UNC5C: variants seen among roughly 807,000 people sequenced by gnomAD.
The protein encoded by UNC5C is netrin receptor UNC5C.
UNC5C carries 47 observed loss-of-function variants against 99.8 expected under a neutral mutation model. That is an observed-to-expected ratio of 0.47 (90% CI 0.37 to 0.60). The LOEUF (loss-of-function observed/expected upper bound fraction) is 0.60, where lower values mean the gene tolerates loss of function less well. Ranked by LOEUF, UNC5C falls within the 20% of genes least tolerant of loss-of-function variation. The probability of loss-of-function intolerance (pLI) is 0.00; values close to 1 mark genes in which losing one functional copy is unlikely to be tolerated. For synonymous variants in UNC5C, 487 were observed against 452.2 expected, an observed-to-expected ratio of 1.08 and a Z score of -0.98; for missense variants, 1,062 against 1,165.9, an observed-to-expected ratio of 0.91 and a Z score of 1.30.
At chr4:95,257,179 C>G (rs1231226543) in intron 4 of UNC5C, among the ~76,000 whole-genome samples, 1 of 152,180 alleles carries the variant, frequency 6.6e-6, no homozygotes, top group East Asian at 1.9e-4. Flanking sequence ...TTCTCTTACT[C>G]AGTGTCAGCG....
At chr4:95,379,335 T>C (rs1159195076) in intron 1 of UNC5C, among the ~76,000 whole-genome samples, 1 of 152,228 alleles carries the variant, frequency 6.6e-6, no homozygotes, top group African/African-American at 2.4e-5. Flanking sequence ...TTTGCTAAAA[T>C]AGGTTTATGC....
intron 2 of UNC5C, among the ~76,000 whole-genome samples, chr4:95,318,020 T>C (rs1244613904): frequency 6.6e-6 from 1 of 152,162 alleles, no homozygotes; most frequent in East Asian, 1.9e-4. Context: ...AAAAGGTCTT[T>C]GCAGAAGTCA....
intron 1 of UNC5C, among the ~76,000 whole-genome samples, chr4:95,364,258 T>A (rs1170711500): frequency 6.6e-6 from 1 of 152,184 alleles, no homozygotes; most frequent in Non-Finnish European, 1.5e-5. Context: ...ACAAGCTACA[T>A]CATTGTGTCT....
intron 1 of UNC5C, among the ~76,000 whole-genome samples, chr4:95,536,961 C>G (rs1210914893): frequency 6.6e-6 from 1 of 152,096 alleles, no homozygotes; most frequent in Non-Finnish European, 1.5e-5. Context: ...AAACAGTTAA[C>G]AACACCAAAG....
At chr4:95,528,581 G>T (rs1722556247) in intron 1 of UNC5C, among the ~76,000 whole-genome samples, 2 of 152,168 alleles carry the variant, frequency 1.3e-5, no homozygotes, top group African/African-American at 2.4e-5. Flanking sequence ...GAGAGATGTG[G>T]TAATGTCTGG....
intron 1 of UNC5C, among the ~76,000 whole-genome samples, chr4:95,479,516 C>T (rs981185598): frequency 3.3e-5 from 5 of 151,876 alleles, no homozygotes; most frequent in Admixed American, 2.6e-4. Flanking sequence ...ACAGTTTATT[C>T]CTCTCAGTTA....
At chr4:95,417,800 T>C (rs1746209597) in intron 1 of UNC5C, among the ~76,000 whole-genome samples, 1 of 152,200 alleles carries the variant, frequency 6.6e-6, no homozygotes, top group Non-Finnish European at 1.5e-5. Context: ...TTGTTTATCA[T>C]CACCACATCA....
intron 1 of UNC5C, among the ~76,000 whole-genome samples, chr4:95,472,327 T>C (rs187282445): frequency 6.6e-6 from 1 of 152,274 alleles, no homozygotes; most frequent in African/African-American, 2.4e-5. Context: ...AAAATATTCT[T>C]ATATGAGATA....
intron 1 of UNC5C, among the ~76,000 whole-genome samples, chr4:95,512,601 A>G (rs1303719508): frequency 6.6e-6 from 1 of 152,194 alleles, no homozygotes; most frequent in Non-Finnish European, 1.5e-5. Flanking sequence ...AAATGACTTA[A>G]GTGCATTTAA....
intron 1 of UNC5C, among the ~76,000 whole-genome samples, chr4:95,519,111 G>T (rs888033729): frequency 1.3e-5 from 2 of 152,046 alleles, no homozygotes; most frequent in African/African-American, 4.8e-5. Flanking sequence ...GGGAAATGTT[G>T]CTTCAAGACA....
At chr4:95,483,235 C>T (rs776344189) in intron 1 of UNC5C, among the ~76,000 whole-genome samples, 1 of 151,766 alleles carries the variant, frequency 6.6e-6, no homozygotes, top group African/African-American at 2.4e-5. Context: ...AGACTCCCTT[C>T]TGTCTTTCCT....
chr4:95,489,998 G>A (rs977955442), intron 1 of UNC5C, among the ~76,000 whole-genome samples: 1 of 151,424 alleles, frequency 6.6e-6, no homozygotes, highest in African/African-American at 2.4e-5. Context: ...TCAGAACCAT[G>A]GCACACAACT....
rs10527279 is a variant in UNC5C, at chr4:95,394,651, C to CTGTGTGTGTGTGTGTGTG, written c.125-59038_125-59021dup. On this transcript the variant is annotated intron_variant, in intron 1 of 15. Transcript: ENST00000453304. ...GGCATCTGCTATGAAAAGGTATTTG[C>CTGTGTGTGTGTGTGTGTG]TGTGTGTGTGTGTGTGTGTGTGTGC... Among the ~76,000 whole-genome samples, 527 of 147,742 alleles carry CTGTGTGTGTGTGTGTGTG rather than the reference C, an allele frequency of 3.6e-3. 3 individuals carry two copies. Among genetic ancestry groups the CTGTGTGTGTGTGTGTGTG allele is most frequent in the African/African-American group, 0.011 (423 of 39,610 alleles).
intron 4 of UNC5C, among the ~76,000 whole-genome samples, chr4:95,254,216 T>C (rs1739863752): frequency 6.6e-6 from 1 of 152,152 alleles, no homozygotes; most frequent in Non-Finnish European, 1.5e-5. Context: ...TTATAGTCAC[T>C]TTATCTAAAG....
chr4:95,216,256 A>ACT, intron 9 of UNC5C, 45 bp from the exon 10 acceptor site: 1 of 1,487,918 alleles, frequency 6.7e-7, no homozygotes, highest in Non-Finnish European at 9.3e-7. Context: ...CTTTTGCAGC[A>ACT]CGTAAAAGGG....
intron 1 of UNC5C, among the ~76,000 whole-genome samples, chr4:95,538,583 T>C (rs1378560523): frequency 2.6e-5 from 4 of 152,168 alleles, no homozygotes; most frequent in Non-Finnish European, 5.9e-5. Flanking sequence ...GCACTACATA[T>C]TTCACTATGA....
intron 1 of UNC5C, among the ~76,000 whole-genome samples, chr4:95,395,398 G>A (rs994117495): frequency 5.9e-5 from 9 of 152,178 alleles, no homozygotes; most frequent in African/African-American, 2.2e-4. Context: ...GTCAAATTAT[G>A]TTCTTTATTT....
chr4:95,200,651 T>A (rs1737620105), intron 12 of UNC5C, among the ~76,000 whole-genome samples: 1 of 152,232 alleles, frequency 6.6e-6, no homozygotes, highest in South Asian at 2.1e-4. Flanking sequence ...TATGATTATC[T>A]TCTCCCTCTA....
At chr4:95,392,753 C>T (rs994557935) in intron 1 of UNC5C, among the ~76,000 whole-genome samples, 14 of 151,862 alleles carry the variant, frequency 9.2e-5, no homozygotes, top group African/African-American at 1.7e-4. Flanking sequence ...AACGCTTTTT[C>T]GATAGACTAT....
Sources: gnomAD v4.1 joint callset for allele counts (sites outside exome capture counted in the v4.1 genomes callset) on GRCh38, gnomAD v4.1.1 for gene constraint, MANE v1.5 for transcripts, NCBI Gene and HGNC (gene_info 2026-07-23, HGNC 2026-07-21) for gene names.